The following API5 variants were observed in gnomAD, a reference collection of about 807,000 sequenced individuals.
API5 encodes apoptosis inhibitor 5, also known as FIF.
In API5, 6 loss-of-function variants were observed where a neutral mutation model predicts 71.9. The ratio of observed to expected loss-of-function variants is 0.08; its 90% CI spans 0.05 to 0.16. The LOEUF (loss-of-function observed/expected upper bound fraction) is 0.16, where lower values mean the gene tolerates loss of function less well. Among genes scored for constraint, API5 ranks in the 10% least tolerant of loss-of-function variants. The pLI, the probability that API5 is intolerant of heterozygous loss-of-function variation, is 1.00. For synonymous variants in API5, 189 were observed against 221.3 expected (o/e 0.85, Z 1.30); for missense variants, 332 against 612.8 (o/e 0.54, Z 4.84).
In API5 at chr11:43,312,986, A is replaced by C. The variant is rs1854538910; in HGVS notation, c.69+790A>C. On this transcript the variant is annotated intron_variant, in intron 1 of 13. Transcript: ENST00000531273. ...GCCGGGCGTGGTGACACGCGCTTGT[A>C]ATCCTAGCTACTCAGGAGGCTGAGG... Among the ~76,000 whole-genome samples the C allele has an allele frequency of 2.0e-5, 3 of 151,948 alleles. 1 individual carries two copies. The East Asian group carries it at 5.8e-4, about 29-fold the overall frequency.
At chr11:43,327,517 A>G (rs1293463331) in intron 7 of API5, among the ~76,000 whole-genome samples, 1 of 152,222 alleles carries the variant, frequency 6.6e-6, no homozygotes, top group East Asian at 1.9e-4. Flanking sequence ...TTCTTCTCAC[A>G]GATATATTGG....
chr11:43,339,645 G>A (rs998184705), intron 13 of API5, among the ~76,000 whole-genome samples: 5 of 152,000 alleles, frequency 3.3e-5, no homozygotes, highest in East Asian at 1.9e-4. Context: ...ACACTCAGAC[G>A]CACATACACA....
intron 11 of API5, 92 bp from the exon 12 acceptor site, chr11:43,335,186 T>C (rs1271149843): frequency 4.6e-6 from 4 of 872,366 alleles, no homozygotes; most frequent in East Asian, 2.4e-5. Context: ...CTAAATTGAA[T>C]CTTTAAGATC....
At position 43,318,686 on chromosome 11, in the gene API5, C is replaced by A. The variant is rs747563359; in HGVS notation, c.116C>A (p.Thr39Asn). Reference sequence around the variant, plus strand: ...ATATTGGATGGTGTGAAAGGTGGTACTAAGGAAAAGCGATTAGCAGCTCAA... The same window carrying A: ...ATATTGGATGGTGTGAAAGGTGGTAATAAGGAAAAGCGATTAGCAGCTCAA... ...QVILDGVKGG[T>N]KEKRLAAQFI... The change falls in exon 2 of 14, where the codon ACT (threonine) becomes AAT (asparagine). Residue 39 changes from threonine to asparagine, a missense_variant. By Grantham distance (65) the Thr-to-Asn change is moderately conservative (BLOSUM62 0). Coordinates refer to ENST00000531273, the MANE Select transcript of API5 (RefSeq NM_001142930.2). The A allele has an allele frequency of 1.2e-6, 2 of 1,613,474 alleles. No homozygotes were observed. Among genetic ancestry groups the A allele is most frequent in the Non-Finnish European group, 1.7e-6 (2 of 1,179,986 alleles).
intron 13 of API5, among the ~76,000 whole-genome samples, chr11:43,337,031 AGAC>A (rs1855459306): frequency 6.8e-6 from 1 of 147,718 alleles, no homozygotes; most frequent in Non-Finnish European, 1.5e-5. Context: ...AAAAAAAAAA[AGAC>A]AAAGTTTAGG....
At chr11:43,334,562 A>G (rs535415679) in intron 11 of API5, among the ~76,000 whole-genome samples, 10 of 152,258 alleles carry the variant, frequency 6.6e-5, no homozygotes, top group African/African-American at 2.2e-4. Context: ...TATATACAAA[A>G]AATCAAGGTA....
At chr11:43,319,112 CTGTTTTTAATCA>C in intron 2 of API5, 1 of 262,298 alleles carries the variant, frequency 3.8e-6, no homozygotes, top group Non-Finnish European at 7.2e-6. Flanking sequence ...TGAAATTAGA[CTGTTTTTAATCA>C]ATTTGTGCTT....
In API5 at chr11:43,323,580, C is replaced by A; in HGVS notation, c.694C>A (p.Pro232Thr). The change falls in exon 6 of 14, where the codon CCT (proline) becomes ACT (threonine). Residue 232 changes from proline (P) to threonine (T), a missense_variant. Pro to Thr is a conservative substitution (Grantham distance 38, BLOSUM62 -1). This residue lies in a region of API5 where 37 missense variants were observed against 31.3 expected (regional missense o/e 1.18). Transcript: ENST00000531273. ...DLEQTFNPSD[P>T]DCVDRLLQCT... Reference sequence around the variant, plus strand: ...AGAACAGACCTTCAATCCCTCGGATCCTGACTGTGTGGACAGGCTCTTACA... The same window carrying A: ...AGAACAGACCTTCAATCCCTCGGATACTGACTGTGTGGACAGGCTCTTACA... The A allele has an allele frequency of 6.2e-7, 1 of 1,614,112 alleles. No homozygotes were observed. Among genetic ancestry groups the A allele is most frequent in the Admixed American group, 1.7e-5 (1 of 60,028 alleles).
intron 8 of API5, 29 bp downstream of exon 8, chr11:43,327,907 T>C (rs1452951336): frequency 1.4e-6 from 2 of 1,426,474 alleles, no homozygotes; most frequent in Admixed American, 1.7e-5. Context: ...CCTTATGGGA[T>C]AGTCAGTATA....
intron 6 of API5, among the ~76,000 whole-genome samples, chr11:43,325,137 A>G (rs1855026649): frequency 6.6e-6 from 1 of 152,240 alleles, no homozygotes; most frequent in Non-Finnish European, 1.5e-5. Flanking sequence ...ATGGATTACA[A>G]AACATTTTTC....
At chr11:43,330,637 C>A in intron 11 of API5, 73 bp downstream of exon 11, 1 of 1,214,574 alleles carries the variant, frequency 8.2e-7, no homozygotes, top group Non-Finnish European at 1.2e-6. Flanking sequence ...AAAAGTTTTG[C>A]ATAAGATACT....
At chr11:43,313,281 G>A (rs549942019) in intron 1 of API5, among the ~76,000 whole-genome samples, 1 of 152,090 alleles carries the variant, frequency 6.6e-6, no homozygotes, top group Non-Finnish European at 1.5e-5. Flanking sequence ...CAGCAGTGTT[G>A]AATTATCCAT....
intron 10 of API5, chr11:43,330,266 T>A (rs1855209200): frequency 1.6e-6 from 1 of 611,062 alleles, no homozygotes; most frequent in Non-Finnish European, 2.9e-6. Flanking sequence ...ACCTTACTCA[T>A]TTTTTAGCTA....
chr11:43,339,656 CAT>C (rs1855549235), intron 13 of API5, among the ~76,000 whole-genome samples: 1 of 152,100 alleles, frequency 6.6e-6, no homozygotes, highest in South Asian at 2.1e-4. Flanking sequence ...CACATACACA[CAT>C]AGCACCTATT....
At chr11:43,340,589 A>G (rs1381793513) in intron 13 of API5, among the ~76,000 whole-genome samples, 1 of 152,198 alleles carries the variant, frequency 6.6e-6, no homozygotes, top group African/African-American at 2.4e-5. Flanking sequence ...ATAGATACAG[A>G]GCAATGGAAC....
At chr11:43,313,072 A>G (rs1026954721) in intron 1 of API5, among the ~76,000 whole-genome samples, 4 of 149,206 alleles carry the variant, frequency 2.7e-5, no homozygotes, top group Non-Finnish European at 5.9e-5. Context: ...GCTTCACTGC[A>G]CTCCAGCCTG....
chr11:43,342,924 G>A lies in API5; in HGVS notation c.*414G>A. ...AGTTTTTTACCCAATATATGGAGAA[G>A]AGTAATGGTCAATCTTAACATTTTG... On this transcript the variant is annotated 3_prime_UTR_variant, in exon 14 of 14. Transcript: ENST00000531273. 1 of 423,366 alleles carries A rather than the reference G, an allele frequency of 2.4e-6. No homozygotes were observed. Among genetic ancestry groups the A allele is most frequent in the Non-Finnish European group, 4.2e-6 (1 of 238,732 alleles). The allele number at this position is 423,366 out of a possible 1,614,324, so 26.2% of individuals were successfully genotyped here.
chr11:43,313,583 C>CG (rs1031903178), intron 1 of API5, among the ~76,000 whole-genome samples: 1 of 148,320 alleles, frequency 6.7e-6, no homozygotes, highest in African/African-American at 2.5e-5. Context: ...CTGAGCTGAA[C>CG]GAAAAAAAAA....
rs369005910 is a variant in API5, at chr11:43,335,917, G to C, written c.1415G>C (p.Gly472Ala). 1 of 1,613,842 alleles carries C rather than the reference G, an allele frequency of 6.2e-7. No individual in the cohort carries two copies. Among genetic ancestry groups the C allele is most frequent in the Non-Finnish European group, 8.5e-7 (1 of 1,179,932 alleles). ...TCACCACCCAAGAAATCTTCAGCAG[G>C]ACCAAAAAGAGATGCCAGGCAGATT... ...SGSPPKKSSA[G>A]PKRDARQIYN... Residue 472 changes from glycine to alanine, a missense_variant, in exon 13 of 14, where the codon GGA becomes GCA. By Grantham distance (60) the Gly-to-Ala change is moderately conservative (BLOSUM62 0). Transcript: ENST00000531273.
Sources: allele counts gnomAD v4.1 joint callset (sites outside exome capture counted in the v4.1 genomes callset), GRCh38; gene constraint gnomAD v4.1.1; regional missense constraint gnomAD v4.1.1; transcripts MANE v1.5; gene names NCBI Gene and HGNC (gene_info 2026-07-23, HGNC 2026-07-21).